The following PPEF1 variants were observed in gnomAD, a reference collection of about 807,000 sequenced individuals.
PPEF1 encodes protein phosphatase with EF-hand domain 1, also known as serine/threonine-protein phosphatase with EF-hands 1.
Under a neutral mutation model 53.3 loss-of-function variants are expected in PPEF1, and 12 were observed. The ratio of observed to expected loss-of-function variants is 0.23; its 90% CI spans 0.14 to 0.36. The LOEUF (loss-of-function observed/expected upper bound fraction) is 0.36. Among genes scored for constraint, PPEF1 ranks in the 10% least tolerant of loss-of-function variants. PPEF1 has a pLI of 1.00. For synonymous variants in PPEF1, 165 were observed against 176.7 expected, an observed-to-expected ratio of 0.93 and a Z score of 0.52; for missense variants, 334 against 490.4, an observed-to-expected ratio of 0.68 and a Z score of 3.01.
chrX:18,821,927 A>C (rs2047069352), intron 13 of PPEF1, among the ~76,000 whole-genome samples: 1 of 111,750 alleles, frequency 8.9e-6, no homozygotes, highest in Non-Finnish European at 1.9e-5. Flanking sequence ...TCAAGCCCTC[A>C]TTGGTGAGGA....
intron 5 of PPEF1, among the ~76,000 whole-genome samples, chrX:18,759,046 C>G (rs1348585944): frequency 7.2e-5 from 8 of 110,900 alleles, no homozygotes; most frequent in Non-Finnish European, 5.7e-5. Flanking sequence ...AGAGGCAGCC[C>G]CACATCTGCC....
At chrX:18,685,501 C>T (rs1319698734) in intron 2 of PPEF1, among the ~76,000 whole-genome samples, 1 of 110,058 alleles carries the variant, frequency 9.1e-6, no homozygotes, top group Non-Finnish European at 1.9e-5. Flanking sequence ...CTGGCTAACA[C>T]GGTGAAACCC....
intron 6 of PPEF1, among the ~76,000 whole-genome samples, chrX:18,700,800 G>T (rs1025130313): frequency 8.9e-6 from 1 of 112,164 alleles, no homozygotes; most frequent in Non-Finnish European, 1.9e-5. Context: ...TTCATATTTA[G>T]AAATCTTCCT....
At chrX:18,736,963 A>G (rs1380774160) in intron 3 of PPEF1, among the ~76,000 whole-genome samples, 2 of 111,589 alleles carry the variant, frequency 1.8e-5, no homozygotes, top group Non-Finnish European at 3.8e-5. Flanking sequence ...TTTCTGTGGG[A>G]TCGGTGGTGA....
chrX:18,697,078 T>C (rs1021832515), intron 4 of PPEF1, among the ~76,000 whole-genome samples: 1 of 112,131 alleles, frequency 8.9e-6, no homozygotes, highest in Non-Finnish European at 1.9e-5. Flanking sequence ...CAAATCCCTC[T>C]CTCCCTTGAG....
In PPEF1 at chrX:18,803,989, C is replaced by A; in HGVS notation, c.1163C>A (p.Ser388Tyr). The A allele has an allele frequency of 9.1e-6, 11 of 1,205,116 alleles. No homozygotes were observed. Among genetic ancestry groups the A allele is most frequent in the Non-Finnish European group, 1.2e-5 (11 of 889,967 alleles). Reference protein sequence around the residue: ...GGCYFGPDVTSKILNKYQLKM... With the variant: ...GGCYFGPDVTYKILNKYQLKM... Reference sequence around the variant, plus strand: ...TGCTATTTTGGACCAGATGTTACTTCCAAGATTCTTAATAAATACCAGTTG... The same window carrying A: ...TGCTATTTTGGACCAGATGTTACTTACAAGATTCTTAATAAATACCAGTTG... Residue 388 changes from serine to tyrosine, a missense_variant, in exon 11 of 16, where the codon TCC (serine) becomes TAC (tyrosine). Ser to Tyr is a moderately radical substitution (Grantham distance 144). Transcript: ENST00000470157.
At chrX:18,685,684 C>CAAAAAA (rs1212907646) in intron 2 of PPEF1, among the ~76,000 whole-genome samples, 1 of 28,736 alleles carries the variant, frequency 3.5e-5, no homozygotes, top group African/African-American at 1.3e-4. Context: ...GACTCCATCT[C>CAAAAAA]AAAAAAAAAA....
In PPEF1 at chrX:18,707,763, AT is replaced by A; in HGVS notation, c.-17del. ...TCAGAAGTTGAATTCATGAACACATATGATTTAGATAGAAGTCATGGGATGC... is the reference window on the plus strand; with the variant it reads ...TCAGAAGTTGAATTCATGAACACATAGATTTAGATAGAAGTCATGGGATGC... On this transcript the variant is annotated 5_prime_UTR_variant, in exon 1 of 16. An upstream start codon of the reference 5' UTR is lost. Transcript: ENST00000470157. The A allele has an allele frequency of 8.3e-7, 1 of 1,202,952 alleles. No individual in the cohort carries two copies. Among genetic ancestry groups the A allele is most frequent in the Non-Finnish European group, 1.1e-6 (1 of 887,676 alleles).
chrX:18,717,933 C>G lies in PPEF1; in HGVS notation c.46+10107C>G, dbSNP rs141884000. Reference sequence around the variant, plus strand: ...CTCTAATCCCTGTTTTATTGGGAATCATTTTAAATAAGTACTTTTCTTTGT... The same window carrying G: ...CTCTAATCCCTGTTTTATTGGGAATGATTTTAAATAAGTACTTTTCTTTGT... On this transcript the variant is annotated intron_variant, in intron 1 of 15. Transcript: ENST00000470157. 3.1e-4 allele frequency among the ~76,000 whole-genome samples: 35 copies of G among 111,838 alleles called. No individual in the cohort carries two copies. The East Asian group carries it at 8.8e-3, about 28-fold the overall frequency.
At chrX:18,733,902 A>G (rs2044899458) in intron 3 of PPEF1, 94 bp downstream of exon 3, 1 of 720,329 alleles carries the variant, frequency 1.4e-6, no homozygotes. Flanking sequence ...GAACACTATG[A>G]AATTAAAAAG....
At chrX:18,688,126 C>T (rs1036954059) in intron 3 of PPEF1, among the ~76,000 whole-genome samples, 3 of 112,508 alleles carry the variant, frequency 2.7e-5, no homozygotes, top group Non-Finnish European at 3.7e-5. Context: ...TCTTAATCTT[C>T]CTGTTCTTCT....
At chrX:18,811,299 C>A (rs999262346) in intron 12 of PPEF1, among the ~76,000 whole-genome samples, 1 of 110,714 alleles carries the variant, frequency 9.0e-6, no homozygotes, top group African/African-American at 3.3e-5. Context: ...GTGATTTGCC[C>A]GCCTCGGCCT....
At chrX:18,821,758 CGAGAGAGAGAGAGAGAGAGAGAGAGA>C (rs754652406) in intron 13 of PPEF1, among the ~76,000 whole-genome samples, 2 of 28,668 alleles carry the variant, frequency 7.0e-5, no homozygotes, top group East Asian at 6.1e-4. Flanking sequence ...GAAACCATGG[CGAGAGAGAGAGAGAGAGAGAGAGAGA>C]GAGAGAGAGA....
intron 4 of PPEF1, among the ~76,000 whole-genome samples, chrX:18,754,272 GGTTT>G (rs976321337): frequency 2.7e-5 from 3 of 111,085 alleles, no homozygotes; most frequent in Admixed American, 1.9e-4. Flanking sequence ...ATTCTGACAG[GGTTT>G]GTTTGTTTGT....
At chrX:18,816,808 G>A (rs2046926356) in intron 12 of PPEF1, among the ~76,000 whole-genome samples, 1 of 111,180 alleles carries the variant, frequency 9.0e-6, no homozygotes, top group Non-Finnish European at 1.9e-5. Flanking sequence ...AACAATTTTT[G>A]TCTTAAAGTC....
At chrX:18,810,486 ATCC>A (rs1182253870) in intron 12 of PPEF1, among the ~76,000 whole-genome samples, 1 of 111,380 alleles carries the variant, frequency 9.0e-6, no homozygotes, top group Non-Finnish European at 1.9e-5. Context: ...CATTTTTGCC[ATCC>A]TAAAAAGAAA....
chrX:18,694,401 A>C (rs1466173154), intron 4 of PPEF1, among the ~76,000 whole-genome samples: 1 of 111,442 alleles, frequency 9.0e-6, no homozygotes, highest in African/African-American at 3.3e-5. Flanking sequence ...CCTGCCAGCA[A>C]AGTGTTAGAG....
At chrX:18,701,088 G>A (rs749929763) in intron 6 of PPEF1, among the ~76,000 whole-genome samples, 1 of 112,073 alleles carries the variant, frequency 8.9e-6, no homozygotes, top group Non-Finnish European at 1.9e-5. Flanking sequence ...TGGTGATGAC[G>A]ATACTACCTT....
chrX:18,826,001 AG>A (rs2047158333), intron 15 of PPEF1, among the ~76,000 whole-genome samples, 166 bp downstream of exon 15: 1 of 112,044 alleles, frequency 8.9e-6, no homozygotes, highest in African/African-American at 3.2e-5. Context: ...TGAAAATTGT[AG>A]GAGCCCATTG....
Sources: allele counts gnomAD v4.1 joint callset (sites outside exome capture counted in the v4.1 genomes callset), GRCh38; gene constraint gnomAD v4.1.1; transcripts MANE v1.5; gene names NCBI Gene and HGNC (gene_info 2026-07-23, HGNC 2026-07-21).